Variants in EML6 observed in about 807,000 individuals in gnomAD.
EML6 encodes the protein EMAP like 6, also known as echinoderm microtubule-associated protein-like 6.
Under a neutral mutation model 240.1 loss-of-function variants are expected in EML6, and 154 were observed. The ratio of observed to expected loss-of-function variants is 0.64; its 90% confidence interval spans 0.56 to 0.73. The LOEUF (loss-of-function observed/expected upper bound fraction) is 0.73. Among genes scored for constraint, EML6 ranks in the 30% least tolerant of loss-of-function variants. EML6 has a pLI of 0.00. For synonymous variants in EML6, 1,148 were observed against 899.0 expected (o/e 1.28, Z -4.95); for missense variants, 2,964 against 2,474.6 (o/e 1.20, Z -4.20).
intron 9 of EML6, 56 bp from the exon 10 acceptor site, chr2:54,849,906 C>G (rs75416471): frequency 0.034 from 49,420 of 1,436,056 alleles, 1,005 homozygotes; most frequent in Non-Finnish European, 0.038. Context: ...TATTTTAAAA[C>G]TTGGATTTTC....
At chr2:54,957,059 C>A (rs1676265445) in intron 32 of EML6, among the ~76,000 whole-genome samples, 1 of 152,120 alleles carries the variant, frequency 6.6e-6, no homozygotes, top group Non-Finnish European at 1.5e-5. Context: ...CAGGGCTTCA[C>A]TTACTTCAAT....
chr2:54,768,819 G>T (rs1001578279), intron 2 of EML6, among the ~76,000 whole-genome samples: 10 of 147,934 alleles, frequency 6.8e-5, no homozygotes, highest in African/African-American at 2.2e-4. Context: ...TCTACTCAAA[G>T]TTTTTTTTTT....
chr2:54,862,389 T>C (rs1672441584), intron 12 of EML6, among the ~76,000 whole-genome samples: 1 of 129,714 alleles, frequency 7.7e-6, no homozygotes, highest in African/African-American at 2.9e-5. Context: ...GTACTGCCAC[T>C]GAACTGAAAA....
At chr2:54,875,357 C>T (rs908544734) in intron 16 of EML6, among the ~76,000 whole-genome samples, 3 of 152,198 alleles carry the variant, frequency 2.0e-5, no homozygotes, top group Non-Finnish European at 4.4e-5. Flanking sequence ...CCTTGTTTAA[C>T]GGTGTAAACA....
rs1485034829 is a variant in EML6 at position 54,928,361 on chromosome 2, A to C, written c.3724A>C (p.Thr1242Pro). The change falls in exon 27 of 42, where the codon ACT becomes CCT. Residue 1242 changes from threonine (T) to proline (P), a missense_variant. Physicochemically the swap from Thr to Pro is conservative, Grantham distance 38. Coordinates refer to ENST00000356458, the MANE Select transcript of EML6 (RefSeq NM_001039753.4). ...GTATGTGGGGCACAGTGCACATGTC[A>C]CTAACGTGAGGTGGCTGCACAATGA... ...KKYVGHSAHV[T>P]NVRWLHNDSV... The C allele has an allele frequency of 2.6e-6, 4 of 1,551,904 alleles. No individual in the cohort carries two copies. The highest frequency in any genetic ancestry group is 3.5e-6 in the Non-Finnish European group (4 of 1,147,088).
chr2:54,829,260 T>A, intron 6 of EML6, 82 bp from the exon 7 acceptor site: 1 of 1,360,922 alleles, frequency 7.3e-7, no homozygotes, highest in Non-Finnish European at 9.9e-7. Flanking sequence ...ACTTGCTATG[T>A]TTTTAAATCA....
At chr2:54,809,312 C>T (rs1667704056) in intron 2 of EML6, among the ~76,000 whole-genome samples, 2 of 152,130 alleles carry the variant, frequency 1.3e-5, no homozygotes, top group Non-Finnish European at 2.9e-5. Flanking sequence ...AAGAAGATGA[C>T]AAGAAGCCCA....
At chr2:54,790,756 C>CTT (rs1558550563) in intron 2 of EML6, among the ~76,000 whole-genome samples, 2 of 134,906 alleles carry the variant, frequency 1.5e-5, no homozygotes, top group Admixed American at 8.3e-5. Context: ...GACGGAGTTA[C>CTT]GCTCTGTCGC....
At chr2:54,923,536 C>G (rs538415979) in intron 26 of EML6, among the ~76,000 whole-genome samples, 1 of 152,168 alleles carries the variant, frequency 6.6e-6, no homozygotes, top group East Asian at 1.9e-4. Context: ...CTCAGTAAAG[C>G]TGGGAGGAAA....
At chr2:54,829,291 A>G in intron 6 of EML6, 51 bp from the exon 7 acceptor site, 1 of 1,514,774 alleles carries the variant, frequency 6.6e-7, no homozygotes, top group South Asian at 1.2e-5. Flanking sequence ...GTATCTATTC[A>G]TTATACTTAG....
At chr2:54,959,568 C>T (rs1466007550) in intron 34 of EML6, among the ~76,000 whole-genome samples, 1 of 152,062 alleles carries the variant, frequency 6.6e-6, no homozygotes, top group Admixed American at 6.6e-5. Context: ...TCAAAACCAG[C>T]CTGGTCAACA....
intron 2 of EML6, among the ~76,000 whole-genome samples, chr2:54,779,197 G>T (rs1465195294): frequency 1.3e-5 from 2 of 152,136 alleles, no homozygotes; most frequent in Non-Finnish European, 2.9e-5. Context: ...TGACATCTCA[G>T]TTGCTTGCCA....
intron 17 of EML6, among the ~76,000 whole-genome samples, chr2:54,890,627 A>G (rs1422060518): frequency 2.0e-5 from 3 of 152,290 alleles, no homozygotes; most frequent in Non-Finnish European, 2.9e-5. Flanking sequence ...TGCTTTCCAC[A>G]GCAAGAGTGA....
At chr2:54,852,507 T>G (rs2103765649) in intron 10 of EML6, among the ~76,000 whole-genome samples, 1 of 152,318 alleles carries the variant, frequency 6.6e-6, no homozygotes, top group South Asian at 2.1e-4. Flanking sequence ...TATTTGAGCT[T>G]ATTTCTAGTA....
chr2:54,911,432 A>T (rs1475094918), intron 25 of EML6, among the ~76,000 whole-genome samples: 2 of 145,248 alleles, frequency 1.4e-5, no homozygotes, highest in Non-Finnish European at 3.0e-5. Flanking sequence ...TAACAACAGA[A>T]TTTTTTTTTT....
At chr2:54,866,966 A>T (rs923758134) in intron 14 of EML6, 82 bp downstream of exon 14, 6 of 754,948 alleles carry the variant, frequency 7.9e-6, no homozygotes, top group Non-Finnish European at 9.0e-6. Flanking sequence ...GGCTTAAGGG[A>T]TCCCCTCCCC....
intron 17 of EML6, among the ~76,000 whole-genome samples, chr2:54,888,602 A>G (rs1672283300): frequency 6.6e-6 from 1 of 152,102 alleles, no homozygotes; most frequent in Non-Finnish European, 1.5e-5. Context: ...ATGTCATATA[A>G]TTGGAACTAT....
rs1156328042 is a variant in EML6, at chr2:54,970,278, G to C, written c.*183G>C. 1.6e-6 allele frequency: 1 copy of C among 634,544 alleles called. No individual in the cohort carries two copies. The highest frequency in any genetic ancestry group is 1.8e-5 in the African/African-American group (1 of 54,620). The allele number at this position is 634,544 out of a possible 1,614,324, so 39.3% of individuals were successfully genotyped here. ...CCCATAATCTGGACTCTCCAAAACC[G>C]TGATGCCACGAAGGAAGGTCAAGTT... On this transcript the variant is annotated 3_prime_UTR_variant, in exon 42 of 42. Coordinates refer to ENST00000356458, the MANE Select transcript of EML6 (RefSeq NM_001039753.4).
intron 28 of EML6, among the ~76,000 whole-genome samples, chr2:54,938,191 C>A (rs961463280): frequency 6.6e-6 from 1 of 152,258 alleles, no homozygotes; most frequent in African/African-American, 2.4e-5. Context: ...ACTAAAAATA[C>A]AAAAATTAGC....
Sources: allele counts gnomAD v4.1 joint callset (sites outside exome capture counted in the v4.1 genomes callset), GRCh38; gene constraint gnomAD v4.1.1; transcripts MANE v1.5; gene names NCBI Gene and HGNC (gene_info 2026-07-23, HGNC 2026-07-21).